Variants in SPOCK3 observed in about 807,000 individuals in gnomAD.
SPOCK3 encodes the protein testican-3.
A neutral mutation model predicts 56.6 loss-of-function variants in SPOCK3; 30 were observed. The ratio of observed to expected loss-of-function variants is 0.53; its 90% CI spans 0.40 to 0.72. SPOCK3 has a LOEUF of 0.72. Among genes scored for constraint, SPOCK3 ranks in the 30% least tolerant of loss-of-function variants. SPOCK3 has a pLI of 0.00. For missense variants in SPOCK3, 527 were observed against 530.0 expected (o/e 0.99, Z 0.06); for synonymous variants, 196 against 183.3 (o/e 1.07, Z -0.56).
Position 167,110,203 on chromosome 4 carries a change from A to G in SPOCK3, c.190-47666T>C, listed in dbSNP as rs190780472. Among the ~76,000 whole-genome samples, 53 of 152,174 alleles carry G rather than the reference A, an allele frequency of 3.5e-4. 2 individuals carry two copies. The East Asian group carries it at 0.01, about 29-fold the overall frequency. ...AATGGTACCCAACACCCTTTGTCCT[A>G]TAATGCATTCACTTTCCCCCATTCC... On this transcript the variant is annotated intron_variant, in intron 2 of 10. Coordinates refer to ENST00000357545, the MANE Select transcript of SPOCK3 (RefSeq NM_001040159.2).
At chr4:167,119,519 G>A (rs1761696635) in intron 2 of SPOCK3, among the ~76,000 whole-genome samples, 2 of 151,988 alleles carry the variant, frequency 1.3e-5, no homozygotes, top group Admixed American at 1.3e-4. Context: ...GAATAACAAA[G>A]GTTTATATCA....
intron 2 of SPOCK3, among the ~76,000 whole-genome samples, chr4:167,069,465 A>T (rs1756462849): frequency 6.6e-6 from 1 of 151,992 alleles, no homozygotes; most frequent in African/African-American, 2.4e-5. Context: ...AGAACATGAT[A>T]TCATAAGATA....
chr4:166,807,176 G>A (rs1743254150), intron 6 of SPOCK3, among the ~76,000 whole-genome samples: 1 of 152,024 alleles, frequency 6.6e-6, no homozygotes, highest in African/African-American at 2.4e-5. Flanking sequence ...TGTATACTTT[G>A]TTGCTGAGTT....
rs144352467 is a variant in SPOCK3 at position 166,838,155 on chromosome 4, C to A, written c.590-45866G>T. Among the ~76,000 whole-genome samples, 6 of 152,088 alleles carry A rather than the reference C, an allele frequency of 3.9e-5. No individual in the cohort carries two copies. The East Asian group carries it at 1.2e-3, about 29-fold the overall frequency. On this transcript the variant is annotated intron_variant, in intron 6 of 10. Transcript: ENST00000357545. ...CTTTGATTTGTCTTGGTGTGGATTT[C>A]TTTAGCTTTATCTTGTTTGGGGTTT...
chr4:166,950,366 A>T (rs1742400475), intron 4 of SPOCK3, among the ~76,000 whole-genome samples: 2 of 151,510 alleles, frequency 1.3e-5, no homozygotes, highest in Non-Finnish European at 2.9e-5. Context: ...TAAAGGGATC[A>T]ATTCAACAAG....
chr4:166,783,590 T>C (rs1740412828), intron 7 of SPOCK3, among the ~76,000 whole-genome samples: 2 of 152,158 alleles, frequency 1.3e-5, no homozygotes, highest in South Asian at 2.1e-4. Flanking sequence ...CTGTGATATG[T>C]TGAAAATCAC....
chr4:167,084,650 G>C (rs1182740459), intron 2 of SPOCK3, among the ~76,000 whole-genome samples: 1 of 151,966 alleles, frequency 6.6e-6, no homozygotes, highest in Non-Finnish European at 1.5e-5. Flanking sequence ...GGAAGTCTGG[G>C]AGGGATCCAC....
chr4:167,043,864 C>T (rs1303977122), intron 3 of SPOCK3, among the ~76,000 whole-genome samples: 1 of 151,580 alleles, frequency 6.6e-6, no homozygotes, highest in Non-Finnish European at 1.5e-5. Context: ...ACTTTTGCAC[C>T]CATGTTATGA....
intron 2 of SPOCK3, among the ~76,000 whole-genome samples, chr4:167,142,032 T>C (rs1219436442): frequency 6.6e-6 from 1 of 151,914 alleles, no homozygotes; most frequent in Non-Finnish European, 1.5e-5. Context: ...TAAAGGAAAA[T>C]TATTTCCAAT....
intron 2 of SPOCK3, among the ~76,000 whole-genome samples, chr4:167,109,942 A>T (rs955802004): frequency 1.3e-5 from 2 of 151,814 alleles, no homozygotes; most frequent in South Asian, 2.1e-4. Flanking sequence ...CCTGAACTCC[A>T]TTTCTTACTT....
Position 167,227,317 on chromosome 4 carries a change from A to G in SPOCK3, c.189+6668T>C, listed in dbSNP as rs1736691490. Among the ~76,000 whole-genome samples the G allele has an allele frequency of 2.0e-5, 3 of 152,288 alleles. No homozygotes were observed. In the South Asian group the frequency reaches 6.2e-4, roughly 32 times the overall value. The stretch of plus-strand genomic sequence containing the variant: ...ACTTATAACTTTATATTTTATAAAA[A>G]TTGAATTTTTATTTAAATTACAAAA... On this transcript the variant is annotated intron_variant, in intron 2 of 10. Coordinates refer to ENST00000357545, the MANE Select transcript of SPOCK3 (RefSeq NM_001040159.2).
At chr4:167,074,397 C>T (rs1207006418) in intron 2 of SPOCK3, among the ~76,000 whole-genome samples, 1 of 151,936 alleles carries the variant, frequency 6.6e-6, no homozygotes, top group Non-Finnish European at 1.5e-5. Context: ...CTTCTGAAGT[C>T]TTGACCAATA....
chr4:166,736,011 A>G (rs1164674110), intron 10 of SPOCK3, among the ~76,000 whole-genome samples: 1 of 152,108 alleles, frequency 6.6e-6, no homozygotes, highest in East Asian at 1.9e-4. Flanking sequence ...CAACTCCTCA[A>G]ATGCTAGCGT....
At chr4:167,104,246 C>T (rs1456174501) in intron 2 of SPOCK3, among the ~76,000 whole-genome samples, 1 of 152,088 alleles carries the variant, frequency 6.6e-6, no homozygotes, top group African/African-American at 2.4e-5. Context: ...AATAAGGCAC[C>T]AAAAACCAAT....
intron 2 of SPOCK3, among the ~76,000 whole-genome samples, chr4:167,126,614 C>T (rs911944282): frequency 7.6e-6 from 1 of 131,218 alleles, no homozygotes; most frequent in Non-Finnish European, 1.7e-5. Flanking sequence ...GAATTTCCAA[C>T]CCCTGCAATA....
chr4:167,177,674 A>G (rs1731104362), intron 2 of SPOCK3, among the ~76,000 whole-genome samples: 1 of 152,146 alleles, frequency 6.6e-6, no homozygotes, highest in Admixed American at 6.6e-5. Flanking sequence ...TAATAAAGCT[A>G]ACAAAGCAGC....
At chr4:166,984,065 C>G (rs1460542311) in intron 4 of SPOCK3, among the ~76,000 whole-genome samples, 1 of 151,982 alleles carries the variant, frequency 6.6e-6, no homozygotes, top group Non-Finnish European at 1.5e-5. Flanking sequence ...CATCAATATG[C>G]TAATCATTCT....
chr4:166,736,704 T>G (rs771855310), intron 10 of SPOCK3, among the ~76,000 whole-genome samples: 6 of 151,794 alleles, frequency 4.0e-5, no homozygotes, highest in Non-Finnish European at 5.9e-5. Flanking sequence ...ATTCCTGGTG[T>G]GTGTGTGTGT....
chr4:167,205,423 A>G (rs1480793231), intron 2 of SPOCK3, among the ~76,000 whole-genome samples: 19 of 46,342 alleles, frequency 4.1e-4, no homozygotes, highest in African/African-American at 1.7e-3. Context: ...TTAAATATAT[A>G]ATATATAATA....
Sources: allele counts gnomAD v4.1 joint callset (sites outside exome capture counted in the v4.1 genomes callset), GRCh38; gene constraint gnomAD v4.1.1; transcripts MANE v1.5; gene names NCBI Gene and HGNC (gene_info 2026-07-23, HGNC 2026-07-21).